The following STK17B variants were observed in gnomAD, a reference collection of about 807,000 sequenced individuals.
The protein encoded by STK17B is serine/threonine-protein kinase 17B.
STK17B carries 21 observed loss-of-function variants against 42.0 expected under a neutral mutation model. That is an observed-to-expected ratio of 0.50 (90% confidence interval 0.35 to 0.72). STK17B has a LOEUF of 0.72. STK17B is among the 30% of genes least tolerant of loss of function. STK17B has a pLI of 0.00. For synonymous variants in STK17B, 143 were observed against 148.4 expected (o/e 0.96, Z 0.26); for missense variants, 349 against 446.0 (o/e 0.78, Z 1.96).
At chr2:196,159,527 G>C (rs989505323) in intron 2 of STK17B, among the ~76,000 whole-genome samples, 1 of 152,010 alleles carries the variant, frequency 6.6e-6, no homozygotes, top group Non-Finnish European at 1.5e-5. Flanking sequence ...GCCCAGGCTG[G>C]TTTCAAACTC....
intron 1 of STK17B, among the ~76,000 whole-genome samples, chr2:196,166,785 G>A (rs1699879232): frequency 6.6e-6 from 1 of 152,098 alleles, no homozygotes; most frequent in Non-Finnish European, 1.5e-5. Context: ...ACAAAAGCAA[G>A]ACTATCTCTA....
chr2:196,175,855 A>G (rs1017805939), upstream of STK17B, among the ~76,000 whole-genome samples: 3 of 152,190 alleles, frequency 2.0e-5, no homozygotes, highest in African/African-American at 4.8e-5. Context: ...GTCTGGAGCT[A>G]GAAAAATTCT....
At chr2:196,161,564 G>T (rs998952869) in intron 2 of STK17B, among the ~76,000 whole-genome samples, 2 of 113,760 alleles carry the variant, frequency 1.8e-5, no homozygotes, top group Non-Finnish European at 3.3e-5. Context: ...TGTTGCCCAA[G>T]CTGGAGTGCA....
intron 5 of STK17B, among the ~76,000 whole-genome samples, chr2:196,141,502 T>C (rs528782931): frequency 1.3e-5 from 2 of 152,024 alleles, no homozygotes; most frequent in Non-Finnish European, 2.9e-5. Context: ...CTACTAAAAA[T>C]ACAAAAATTA....
intron 3 of STK17B, among the ~76,000 whole-genome samples, chr2:196,150,786 C>T (rs1699655344): frequency 6.6e-6 from 1 of 152,010 alleles, no homozygotes; most frequent in African/African-American, 2.4e-5. Context: ...AATTATATTC[C>T]TATGCTAATG....
chr2:196,165,025 T>A (rs1481445535), intron 1 of STK17B, among the ~76,000 whole-genome samples: 2 of 152,202 alleles, frequency 1.3e-5, no homozygotes, highest in Non-Finnish European at 2.9e-5. Context: ...GAGACCTTAA[T>A]TAAATTATTT....
rs1425052620 is a variant in STK17B, at chr2:196,166,643, T to G, written c.-44-3216A>C. Among the ~76,000 whole-genome samples, 2 of 152,198 alleles carry G rather than the reference T, an allele frequency of 1.3e-5. 1 individual carries two copies. Among genetic ancestry groups the G allele is most frequent in the African/African-American group, 4.8e-5 (2 of 41,444 alleles). ...GTATCTCACTTATTTTTAAAGATTT[T>G]TTTCATTAATTCTCATTATAATAAT... On this transcript the variant is annotated intron_variant, in intron 1 of 7. Coordinates refer to ENST00000263955, the MANE Select transcript of STK17B (RefSeq NM_004226.4).
chr2:196,172,857 G>C (rs1255182773), upstream of STK17B, among the ~76,000 whole-genome samples: 1 of 152,156 alleles, frequency 6.6e-6, no homozygotes, highest in Non-Finnish European at 1.5e-5. Context: ...AACTTTTCTG[G>C]GGTATAAGAA....
chr2:196,138,655 A>C (rs898474111), intron 7 of STK17B, among the ~76,000 whole-genome samples: 5 of 151,626 alleles, frequency 3.3e-5, no homozygotes, highest in Admixed American at 6.6e-5. Context: ...AGCTCACCAC[A>C]ACCTCTGCTT....
intron 4 of STK17B, among the ~76,000 whole-genome samples, chr2:196,145,225 T>C (rs1027845784): frequency 6.6e-6 from 1 of 151,726 alleles, no homozygotes; most frequent in Non-Finnish European, 1.5e-5. Context: ...GCCTGGGCTG[T>C]AGGTGGAGAT....
chr2:196,176,053 A>G (rs1054694846), upstream of STK17B, among the ~76,000 whole-genome samples: 4 of 152,244 alleles, frequency 2.6e-5, no homozygotes, highest in East Asian at 1.9e-4. Flanking sequence ...TTCAGAATAA[A>G]GTAATTTTTA....
chr2:196,167,695 C>T (rs1345422555), intron 1 of STK17B, among the ~76,000 whole-genome samples: 1 of 152,162 alleles, frequency 6.6e-6, no homozygotes, highest in East Asian at 1.9e-4. Context: ...ATATAAGCTA[C>T]TAATACAAAT....
At chr2:196,145,022 A>C (rs1216976611) in intron 4 of STK17B, among the ~76,000 whole-genome samples, 2 of 151,692 alleles carry the variant, frequency 1.3e-5, no homozygotes, top group Non-Finnish European at 2.9e-5. Flanking sequence ...ATGACCCAAC[A>C]GGAAGCTGGT....
At chr2:196,154,560 T>C (rs1486030379) in intron 3 of STK17B, 1 of 152,224 alleles carries the variant, frequency 6.6e-6, no homozygotes, top group Non-Finnish European at 1.5e-5. Context: ...TATAAGGATG[T>C]TAATTGTACT....
intron 2 of STK17B, among the ~76,000 whole-genome samples, chr2:196,159,689 T>C (rs188644561): frequency 6.6e-6 from 1 of 152,332 alleles, no homozygotes; most frequent in East Asian, 1.9e-4. Flanking sequence ...TAATGATTTA[T>C]TTATTTGTCA....
At chr2:196,172,460 T>C (rs1699960160), upstream of STK17B, among the ~76,000 whole-genome samples, 1 of 152,220 alleles carries the variant, frequency 6.6e-6, no homozygotes. Flanking sequence ...ACATTTACGA[T>C]AATTGCAGAA....
upstream of STK17B, among the ~76,000 whole-genome samples, chr2:196,175,970 A>G (rs1031909701): frequency 1.3e-5 from 2 of 152,196 alleles, no homozygotes; most frequent in African/African-American, 2.4e-5. Context: ...GGTGGTACAT[A>G]TCTGAACAAT....
At chr2:196,146,304 C>T (rs936605804) in intron 3 of STK17B, among the ~76,000 whole-genome samples, 2 of 151,968 alleles carry the variant, frequency 1.3e-5, no homozygotes, top group Non-Finnish European at 2.9e-5. Context: ...GTTGGGAGTT[C>T]GAGATCAGCT....
intron 2 of STK17B, among the ~76,000 whole-genome samples, chr2:196,159,387 C>T (rs1355872941): frequency 1.3e-5 from 2 of 151,216 alleles, no homozygotes; most frequent in South Asian, 2.1e-4. Context: ...CTCAGCTCAC[C>T]GCAGCCTCAA....
Sources: allele counts gnomAD v4.1 joint callset (sites outside exome capture counted in the v4.1 genomes callset), GRCh38; gene constraint gnomAD v4.1.1; transcripts MANE v1.5; gene names NCBI Gene and HGNC (gene_info 2026-07-23, HGNC 2026-07-21).